Variants in PARD3B observed in about 807,000 individuals in gnomAD.
The protein encoded by PARD3B is par-3 family cell polarity regulator beta.
PARD3B carries 103 observed loss-of-function variants against 130.2 expected under a neutral mutation model. The observed-to-expected ratio is 0.79, with a 90% CI of 0.67 to 0.93. PARD3B has a LOEUF of 0.93. PARD3B is among the 40% of genes least tolerant of loss of function. PARD3B has a pLI of 0.00. For missense variants in PARD3B, 1,609 were observed against 1,499.2 expected, an observed-to-expected ratio of 1.07 and a Z score of -1.21; for synonymous variants, 583 against 553.2, an observed-to-expected ratio of 1.05 and a Z score of -0.76.
chr2:205,077,140 C>T (rs1701117055), intron 4 of PARD3B, among the ~76,000 whole-genome samples: 1 of 152,112 alleles, frequency 6.6e-6, no homozygotes, highest in African/African-American at 2.4e-5. Flanking sequence ...ATATCTCTCT[C>T]AAGATTTAGA....
chr2:205,340,493 T>A (rs1453232073), intron 18 of PARD3B, among the ~76,000 whole-genome samples: 1 of 152,076 alleles, frequency 6.6e-6, no homozygotes, highest in Non-Finnish European at 1.5e-5. Context: ...CAATATACAT[T>A]CAGGAAGGGA....
intron 16 of PARD3B, among the ~76,000 whole-genome samples, chr2:205,264,505 A>C (rs1399246766): frequency 6.6e-6 from 1 of 151,180 alleles, no homozygotes; most frequent in Non-Finnish European, 1.5e-5. Context: ...TTATATATTT[A>C]TATTTACAGA....
chr2:205,336,711 G>T (rs2043325732), intron 18 of PARD3B, among the ~76,000 whole-genome samples: 2 of 152,100 alleles, frequency 1.3e-5, no homozygotes, highest in Admixed American at 6.5e-5. Context: ...AATGGAAAAG[G>T]TAAACAAAAG....
At chr2:204,991,525 C>T (rs1425804420) in intron 3 of PARD3B, among the ~76,000 whole-genome samples, 18 of 140,260 alleles carry the variant, frequency 1.3e-4, no homozygotes, top group African/African-American at 2.7e-4. Flanking sequence ...TGAATAATGC[C>T]GCAATAAACA....
At position 205,400,942 on chromosome 2, in the gene PARD3B, A is replaced by G. The variant is rs559235891; in HGVS notation, c.2631-71A>G. ...AAGTATGACTTAATGAGCTCATCCCATAAATATCTTAGCTCTACCGCAAAA... is the reference window on the plus strand; with the variant it reads ...AAGTATGACTTAATGAGCTCATCCCGTAAATATCTTAGCTCTACCGCAAAA... On this transcript the variant is annotated intron_variant, in intron 18 of 22. Coordinates refer to ENST00000406610, the MANE Select transcript of PARD3B (RefSeq NM_001302769.2). The G allele has an allele frequency of 1.3e-5, 14 of 1,118,394 alleles. No homozygotes were observed. The East Asian group carries it at 2.3e-4, about 18-fold the overall frequency. The allele number at this position is 1,118,394 out of a possible 1,614,324, so 69.3% of individuals were successfully genotyped here.
At chr2:205,429,576 C>G (rs1042697037) in intron 19 of PARD3B, among the ~76,000 whole-genome samples, 9 of 152,106 alleles carry the variant, frequency 5.9e-5, no homozygotes, top group African/African-American at 2.2e-4. Context: ...TTACTAAAGA[C>G]AATCAGATAT....
intron 20 of PARD3B, among the ~76,000 whole-genome samples, chr2:205,488,941 A>G (rs1427507078): frequency 6.6e-6 from 1 of 152,178 alleles, no homozygotes; most frequent in Non-Finnish European, 1.5e-5. Context: ...TATCTATATG[A>G]ATTATAATAT....
intron 1 of PARD3B, among the ~76,000 whole-genome samples, chr2:204,565,419 A>T (rs1462716260): frequency 6.6e-6 from 1 of 152,146 alleles, no homozygotes; most frequent in Non-Finnish European, 1.5e-5. Context: ...ACTTTGACTG[A>T]TCTTGTATTC....
At chr2:204,657,958 A>G (rs986852150) in intron 1 of PARD3B, among the ~76,000 whole-genome samples, 14 of 152,280 alleles carry the variant, frequency 9.2e-5, no homozygotes, top group African/African-American at 2.6e-4. Flanking sequence ...TGGGTGTTCA[A>G]GTATTTACTG....
At chr2:204,888,761 G>A (rs2046349215) in intron 2 of PARD3B, among the ~76,000 whole-genome samples, 1 of 151,056 alleles carries the variant, frequency 6.6e-6, no homozygotes, top group Admixed American at 6.6e-5. Context: ...TGTATGGAGG[G>A]ACCAAGATGA....
At chr2:205,611,933 C>G (rs1381428835) in intron 22 of PARD3B, among the ~76,000 whole-genome samples, 2 of 152,162 alleles carry the variant, frequency 1.3e-5, no homozygotes, top group Non-Finnish European at 2.9e-5. Context: ...GAAGCTGCCC[C>G]TGGATTCCTC....
intron 2 of PARD3B, among the ~76,000 whole-genome samples, chr2:204,851,809 C>T (rs1403708574): frequency 6.6e-6 from 1 of 151,954 alleles, no homozygotes; most frequent in East Asian, 1.9e-4. Context: ...TCTCCTGCCT[C>T]AGCCTCCCGA....
At chr2:205,523,223 GTGTATA>G (rs1559176164) in intron 21 of PARD3B, among the ~76,000 whole-genome samples, 2 of 128,052 alleles carry the variant, frequency 1.6e-5, no homozygotes, top group African/African-American at 5.6e-5. Context: ...GTGTGTGTGT[GTGTATA>G]TATATATATA....
intron 15 of PARD3B, among the ~76,000 whole-genome samples, chr2:205,238,871 T>C (rs2039205371): frequency 1.0e-5 from 1 of 98,324 alleles, no homozygotes; most frequent in Admixed American, 1.3e-4. Flanking sequence ...TATATATATA[T>C]ATATATGTAT....
intron 18 of PARD3B, among the ~76,000 whole-genome samples, chr2:205,365,114 T>G (rs1332652546): frequency 6.8e-6 from 1 of 147,342 alleles, no homozygotes; most frequent in African/African-American, 2.5e-5. Context: ...GCAGGAGAAT[T>G]GTTTGAACCT....
At position 205,394,880 on chromosome 2, in the gene PARD3B, A is replaced by T. The variant is rs115038399; in HGVS notation, c.2631-6133A>T. On this transcript the variant is annotated intron_variant, in intron 18 of 22. Transcript: ENST00000406610. ...GAGTTACTATATGTAGAGTGGGTACACAGTTTCCATTTGAGATCATGAAAA... is the reference window on the plus strand; with the variant it reads ...GAGTTACTATATGTAGAGTGGGTACTCAGTTTCCATTTGAGATCATGAAAA... Among the ~76,000 whole-genome samples, 257 of 152,320 alleles carry T rather than the reference A, an allele frequency of 1.7e-3. 1 individual carries two copies. Among genetic ancestry groups the T allele is most frequent in the African/African-American group, 5.9e-3 (245 of 41,580 alleles).
rs547780567 is a variant in PARD3B at position 205,437,065 on chromosome 2, C to A, written c.2742-3305C>A. On this transcript the variant is annotated intron_variant, in intron 19 of 22. Transcript: ENST00000406610. ...TATATTAAAGTTTATTGACTGTACC[C>A]CTCTAGACTCCCTCCTTATTTTCAG... 3.3e-5 allele frequency among the ~76,000 whole-genome samples: 5 copies of A among 152,108 alleles called. No individual in the cohort carries two copies. The South Asian group carries it at 1.0e-3, about 32-fold the overall frequency.
intron 4 of PARD3B, among the ~76,000 whole-genome samples, chr2:205,077,251 G>A (rs886411865): frequency 6.6e-6 from 1 of 152,112 alleles, no homozygotes; most frequent in African/African-American, 2.4e-5. Context: ...TCAGGGACTT[G>A]GCTTCCTTTA....
intron 2 of PARD3B, among the ~76,000 whole-genome samples, chr2:204,880,306 T>A (rs1002890270): frequency 6.6e-6 from 1 of 152,182 alleles, no homozygotes. Context: ...CTATTATGTG[T>A]TATATAGGTA....
Sources: allele counts gnomAD v4.1 joint callset (sites outside exome capture counted in the v4.1 genomes callset), GRCh38; gene constraint gnomAD v4.1.1; transcripts MANE v1.5; gene names NCBI Gene and HGNC (gene_info 2026-07-23, HGNC 2026-07-21).